Variants in RRN3 observed in about 807,000 individuals in gnomAD.
RRN3 encodes the protein RNA polymerase I transcription factor RRN3.
A neutral mutation model predicts 82.3 loss-of-function variants in RRN3; 38 were observed. The observed-to-expected ratio is 0.46, with a 90% CI of 0.36 to 0.61. The LOEUF (loss-of-function observed/expected upper bound fraction) is 0.61, where lower values mean the gene tolerates loss of function less well. Ranked by LOEUF, RRN3 falls within the 20% of genes least tolerant of loss-of-function variation. RRN3 has a pLI of 0.00. For missense variants in RRN3, 726 were observed against 793.1 expected (o/e 0.92, Z 1.02); for synonymous variants, 284 against 284.3 (o/e 1.00, Z 0.01).
intron 3 of RRN3, among the ~76,000 whole-genome samples, chr16:15,088,242 G>A (rs1348458403): frequency 6.6e-6 from 1 of 152,154 alleles, no homozygotes; most frequent in Non-Finnish European, 1.5e-5. Context: ...GGGAGGCCAA[G>A]GCAGGAGGAG....
intron 6 of RRN3, 56 bp from the exon 7 acceptor site, chr16:15,084,761 G>A (rs1394900987): frequency 1.7e-5 from 21 of 1,214,872 alleles, no homozygotes; most frequent in Admixed American, 5.1e-5. Context: ...AGGGCGACAC[G>A]CTTGAAGCTA....
At chr16:15,064,758 C>A (rs1382514226) in intron 16 of RRN3, among the ~76,000 whole-genome samples, 1 of 152,238 alleles carries the variant, frequency 6.6e-6, no homozygotes, top group African/African-American at 2.4e-5. Context: ...TACTTTGCAT[C>A]TGGTGAAATA....
chr16:15,088,239 C>T (rs1051497285), intron 3 of RRN3, among the ~76,000 whole-genome samples: 1 of 152,046 alleles, frequency 6.6e-6, no homozygotes, highest in African/African-American at 2.4e-5. Flanking sequence ...TTTGGGAGGC[C>T]AAGGCAGGAG....
intron 17 of RRN3, 93 bp from the exon 18 acceptor site, chr16:15,061,998 A>C (rs1248803748): frequency 8.2e-7 from 1 of 1,218,536 alleles, no homozygotes; most frequent in African/African-American, 1.5e-5. Context: ...AACGTTTGTA[A>C]AGATGGTGAA....
At chr16:15,063,104 A>C in intron 17 of RRN3, 92 bp downstream of exon 17, 1 of 943,926 alleles carries the variant, frequency 1.1e-6, no homozygotes, top group South Asian at 1.3e-5. Flanking sequence ...TGCGGGGATT[A>C]CACGCACGAA....
chr16:15,073,208 G>T (rs2045308842), intron 11 of RRN3, 128 bp from the exon 12 acceptor site: 2 of 1,051,282 alleles, frequency 1.9e-6, no homozygotes, highest in Non-Finnish European at 2.8e-6. Context: ...GCTCCTGCCT[G>T]CAATCCCAGC....
chr16:15,083,706 C>G (rs1439999826), intron 7 of RRN3, 124 bp from the exon 8 acceptor site: 1 of 1,379,428 alleles, frequency 7.2e-7, no homozygotes. Context: ...ACCCCTACCT[C>G]AAAGAACTGG....
chr16:15,069,692 T>G (rs899880905), intron 14 of RRN3, among the ~76,000 whole-genome samples: 1 of 152,198 alleles, frequency 6.6e-6, no homozygotes, highest in African/African-American at 2.4e-5. Flanking sequence ...AAAGGGAGAA[T>G]ACCTGCCATT....
chr16:15,086,149 A>G lies in RRN3; in HGVS notation c.452T>C (p.Ile151Thr). The G allele has an allele frequency of 3.1e-6, 5 of 1,601,512 alleles. No homozygotes were observed. Among genetic ancestry groups the G allele is most frequent in the Non-Finnish European group, 4.3e-6 (5 of 1,175,990 alleles). ...CTTACGAGGCACAAAATGGGAAGCA[A>G]TCATGCTGAGACACGGTCTGAGGAA... ...TVFLRPCLSM[I>T]ASHFVPPRVI... Residue 151 changes from isoleucine to threonine, a missense_variant, in exon 5 of 18, where the codon ATT (isoleucine) becomes ACT (threonine). By Grantham distance (89) the Ile-to-Thr change is moderately conservative (BLOSUM62 -1). This residue lies in a region of RRN3 where 344 missense variants were observed against 394.5 expected (regional missense o/e 0.87). Transcript: ENST00000198767.
At chr16:15,065,153 G>A (rs2044910484) in intron 16 of RRN3, 66 bp downstream of exon 16, 8 of 1,503,282 alleles carry the variant, frequency 5.3e-6, no homozygotes, top group Non-Finnish European at 7.2e-6. Context: ...GCGACAGAGT[G>A]AGACTCCGTC....
At chr16:15,064,937 CG>C (rs1309573062) in intron 16 of RRN3, among the ~76,000 whole-genome samples, 7 of 152,132 alleles carry the variant, frequency 4.6e-5, no homozygotes, top group African/African-American at 1.7e-4. Context: ...GAGGCCGAGG[CG>C]GGCGGATCAC....
intron 14 of RRN3, among the ~76,000 whole-genome samples, chr16:15,068,708 G>A (rs549864078): frequency 5.9e-5 from 9 of 152,324 alleles, no homozygotes; most frequent in African/African-American, 1.4e-4. Context: ...GTTTTCAGGT[G>A]CACAGTAGTC....
intron 3 of RRN3, among the ~76,000 whole-genome samples, chr16:15,090,205 T>C (rs1236598065): frequency 1.3e-5 from 2 of 149,192 alleles, no homozygotes; most frequent in Non-Finnish European, 3.0e-5. Context: ...AAGGAGACTT[T>C]GTCTTAAAAA....
At chr16:15,088,113 T>A (rs568042190) in intron 3 of RRN3, among the ~76,000 whole-genome samples, 1 of 150,990 alleles carries the variant, frequency 6.6e-6, no homozygotes, top group Non-Finnish European at 1.5e-5. Context: ...CAAAACTCCG[T>A]CTCAAAAAGA....
At position 15,068,502 on chromosome 16, in the gene RRN3, A is replaced by G. The variant is rs376236304; in HGVS notation, c.1445-225T>C. Among the ~76,000 whole-genome samples, 17 of 152,358 alleles carry G rather than the reference A, an allele frequency of 1.1e-4. 1 individual carries two copies. The highest frequency in any genetic ancestry group is 7.2e-4 in the Admixed American group (11 of 15,300). On this transcript the variant is annotated intron_variant, in intron 14 of 17. Coordinates refer to ENST00000198767, the MANE Select transcript of RRN3 (RefSeq NM_018427.5). ...GGTCACCAAGGCAGCTTCTCTAAAGAAAACTTAGGAAGTAGCAGGCTGTAA... is the reference window on the plus strand; with the variant it reads ...GGTCACCAAGGCAGCTTCTCTAAAGGAAACTTAGGAAGTAGCAGGCTGTAA...
rs1161524053 is a variant in RRN3 at position 15,091,369 on chromosome 16, A to G, written c.198T>C (p.Gly66=). Residue 66 remains glycine (G), a splice_region_variant and synonymous_variant, in exon 3 of 18, where the codon GGT becomes GGC. Coordinates refer to ENST00000198767, the MANE Select transcript of RRN3 (RefSeq NM_018427.5). ...TCAACAACTCAAAGTCATTTGTTTC[A>G]CCCTTAACAAGAAGGGGAAAGAATT... ...VTEVLLKYKK[G]ETNDFELLKN... The G allele has an allele frequency of 6.3e-7, 1 of 1,585,416 alleles. No homozygotes were observed. The highest frequency in any genetic ancestry group is 1.3e-5 in the African/African-American group (1 of 74,204).
chr16:15,084,011 C>T (rs1334897821), intron 7 of RRN3, among the ~76,000 whole-genome samples: 1 of 152,206 alleles, frequency 6.6e-6, no homozygotes, highest in Non-Finnish European at 1.5e-5. Context: ...CCACCGCGCC[C>T]GGCCAGAACT....
chr16:15,072,195 C>T (rs2045262086), intron 12 of RRN3, among the ~76,000 whole-genome samples: 1 of 150,784 alleles, frequency 6.6e-6, no homozygotes, highest in African/African-American at 2.4e-5. Context: ...CTCTAGGAAG[C>T]CACAAAATCG....
At chr16:15,079,132 C>G (rs1299243773) in intron 9 of RRN3, among the ~76,000 whole-genome samples, 1 of 151,338 alleles carries the variant, frequency 6.6e-6, no homozygotes, top group East Asian at 1.9e-4. Flanking sequence ...TTCTAACTAC[C>G]ATTAATGGCA....
Sources: gnomAD v4.1 joint callset for allele counts (sites outside exome capture counted in the v4.1 genomes callset) on GRCh38, gnomAD v4.1.1 for gene constraint, gnomAD v4.1.1 regional missense constraint, MANE v1.5 for transcripts, NCBI Gene and HGNC (gene_info 2026-07-23, HGNC 2026-07-21) for gene names.